THOP1: variants seen among roughly 807,000 people sequenced by gnomAD.
The protein encoded by THOP1 is thimet oligopeptidase.
Under a neutral mutation model 71.8 loss-of-function variants are expected in THOP1, and 49 were observed. That is an observed-to-expected ratio of 0.68 (90% CI 0.54 to 0.87). The LOEUF (loss-of-function observed/expected upper bound fraction) is 0.87, where lower values mean the gene tolerates loss of function less well. Among genes scored for constraint, THOP1 ranks in the 40% least tolerant of loss-of-function variants. THOP1 has a pLI of 0.00. For missense variants in THOP1, 843 were observed against 975.6 expected (o/e 0.86, Z 1.81); for synonymous variants, 426 against 421.5 (o/e 1.01, Z -0.13).
At chr19:2,792,772 G>C (rs1915917306) in intron 2 of THOP1, among the ~76,000 whole-genome samples, 1 of 152,110 alleles carries the variant, frequency 6.6e-6, no homozygotes, top group South Asian at 2.1e-4. Flanking sequence ...TCCTGCCTCA[G>C]CCTTCTAAGT....
At chr19:2,794,654 A>G (rs992202176) in intron 2 of THOP1, 110 bp from the exon 3 acceptor site, 2 of 1,336,708 alleles carry the variant, frequency 1.5e-6, no homozygotes, top group Non-Finnish European at 2.1e-6. Context: ...GGCAGGAGAG[A>G]GTTCACGGGG....
chr19:2,803,718 T>C (rs1916215605), intron 5 of THOP1, among the ~76,000 whole-genome samples: 1 of 152,108 alleles, frequency 6.6e-6, no homozygotes, highest in Admixed American at 6.5e-5. Flanking sequence ...CGGCAGACAA[T>C]TGCCAGGCCC....
intron 1 of THOP1, among the ~76,000 whole-genome samples, chr19:2,787,679 C>T (rs1309976938): frequency 6.6e-6 from 1 of 152,204 alleles, no homozygotes; most frequent in Non-Finnish European, 1.5e-5. Flanking sequence ...CTTTCTTTTT[C>T]CCACTTAGCG....
chr19:2,812,227 G>A (rs1248339713), intron 12 of THOP1: 16 of 1,528,490 alleles, frequency 1.0e-5, no homozygotes, highest in African/African-American at 2.8e-5. Flanking sequence ...CGGCCGTTAC[G>A]CCATGTGAGC....
At chr19:2,800,179 T>TTTAA (rs922537177) in intron 5 of THOP1, among the ~76,000 whole-genome samples, 18 of 152,314 alleles carry the variant, frequency 1.2e-4, no homozygotes, top group African/African-American at 4.3e-4. Context: ...ATTTATTTAA[T>TTTAA]TTAATTAATT....
chr19:2,790,971 A>C lies in THOP1; in HGVS notation c.229+338A>C, dbSNP rs114047021. 8.0e-3 allele frequency among the ~76,000 whole-genome samples: 1,219 copies of C among 152,256 alleles called. 12 individuals are homozygous for C. Among genetic ancestry groups the C allele is most frequent in the African/African-American group, 0.027 (1,136 of 41,542 alleles). On this transcript the variant is annotated intron_variant, in intron 2 of 12. Transcript: ENST00000307741. ...AGATGAGAAAATATGTCTAAACAGC[A>C]CGCCTCTCCAGCCTCTCCCAGAGCC... is the stretch of plus-strand genomic sequence containing the variant.
chr19:2,798,002 A>T (rs781508740), intron 4 of THOP1, among the ~76,000 whole-genome samples: 2 of 152,090 alleles, frequency 1.3e-5, no homozygotes, highest in Non-Finnish European at 2.9e-5. Context: ...AGCGGACAAG[A>T]GCCAGTTATT....
chr19:2,813,148 C>T lies in THOP1; in HGVS notation c.1942C>T (p.Pro648Ser). ...GMDYRSCILR[P>S]GGSEDASAML... is the part of the protein sequence containing the mutation. Reference sequence around the variant, plus strand: ...GGATTACAGAAGCTGCATCCTGAGACCCGGCGGTTCCGAGGATGCCAGCGC... The same window carrying T: ...GGATTACAGAAGCTGCATCCTGAGATCCGGCGGTTCCGAGGATGCCAGCGC... The change falls in exon 13 of 13, where the codon CCC becomes TCC. Residue 648 changes from proline (P) to serine (S), a missense_variant. Coordinates refer to ENST00000307741, the MANE Select transcript of THOP1 (RefSeq NM_003249.5). 2 of 1,611,674 alleles carry T rather than the reference C, an allele frequency of 1.2e-6. No homozygotes were observed. The highest frequency in any genetic ancestry group is 1.1e-5 in the South Asian group (1 of 90,882).
At chr19:2,796,678 C>T (rs1235628191) in intron 4 of THOP1, among the ~76,000 whole-genome samples, 3 of 149,046 alleles carry the variant, frequency 2.0e-5, no homozygotes, top group East Asian at 2.0e-4. Context: ...GTACTGGGTG[C>T]GGGGAGTGCT....
intron 5 of THOP1, among the ~76,000 whole-genome samples, chr19:2,800,375 G>A (rs533743616): frequency 1.4e-4 from 22 of 152,120 alleles, no homozygotes; most frequent in African/African-American, 3.9e-4. Context: ...TAGTAGAGAC[G>A]GTTTCGCCGT....
Position 2,810,726 on chromosome 19 carries a change from G to T in THOP1, c.1729G>T (p.Ala577Ser), listed in dbSNP as rs1316224652. The T allele has an allele frequency of 1.9e-6, 3 of 1,597,278 alleles. No homozygotes were observed. The highest frequency in any genetic ancestry group is 8.5e-7 in the Non-Finnish European group (1 of 1,172,638). ...GGACGCAGACCCCGCCGAGGAGTAT[G>T]CGCGGCTCTGCCAGGAGATCCTCGG... Reference protein sequence around the residue: ...QTDADPAEEYARLCQEILGVP... With the variant: ...QTDADPAEEYSRLCQEILGVP... Residue 577 changes from alanine to serine, a missense_variant, in exon 11 of 13, where the codon GCG becomes TCG. Coordinates refer to ENST00000307741, the MANE Select transcript of THOP1 (RefSeq NM_003249.5).
At chr19:2,796,874 G>C (rs1916028882) in intron 4 of THOP1, among the ~76,000 whole-genome samples, 1 of 152,218 alleles carries the variant, frequency 6.6e-6, no homozygotes, top group African/African-American at 2.4e-5. Context: ...TCCACCCACT[G>C]CCCGGTGTGC....
chr19:2,806,786 G>T (rs1170395888), intron 6 of THOP1, 131 bp from the exon 7 acceptor site: 11 of 1,500,352 alleles, frequency 7.3e-6, no homozygotes, highest in Non-Finnish European at 1.0e-5. Context: ...TAGTAACACA[G>T]GCCGAGAGGG....
At chr19:2,795,901 C>T (rs1183525198) in intron 3 of THOP1, 180 bp from the exon 4 acceptor site, 11 of 531,020 alleles carry the variant, frequency 2.1e-5, no homozygotes, top group South Asian at 4.0e-5. Flanking sequence ...CCAAACAAAG[C>T]GAACGTTTGC....
At chr19:2,788,635 C>T (rs1240566714) in intron 1 of THOP1, among the ~76,000 whole-genome samples, 1 of 152,220 alleles carries the variant, frequency 6.6e-6, no homozygotes, top group African/African-American at 2.4e-5. Context: ...CCTGCCACCA[C>T]ACCCAGCTAA....
chr19:2,805,294 T>A lies in THOP1; in HGVS notation c.750+118T>A. ...CACTTGGATGGCCTCCCAATCTCCC[T>A]GGCCAGGCCCAGTGGCCAGCAGAGG... On this transcript the variant is annotated intron_variant, in intron 6 of 12. Coordinates refer to ENST00000307741, the MANE Select transcript of THOP1 (RefSeq NM_003249.5). The surrounding 1 kb of genome is among the most constrained non-coding windows in gnomAD (Gnocchi z 6.6). 1 of 1,267,260 alleles carries A rather than the reference T, an allele frequency of 7.9e-7. No homozygotes were observed. The highest frequency in any genetic ancestry group is 1.1e-6 in the Non-Finnish European group (1 of 938,966). The allele number at this position is 1,267,260 out of a possible 1,614,324, so 78.5% of individuals were successfully genotyped here. A position where few individuals can be genotyped will look rare whatever the true frequency, so the allele number is the denominator to read the frequency against.
At chr19:2,799,025 G>A (rs2144767422) in intron 4 of THOP1, among the ~76,000 whole-genome samples, 1 of 152,258 alleles carries the variant, frequency 6.6e-6, no homozygotes, top group Non-Finnish European at 1.5e-5. Context: ...ACCAGATAAG[G>A]GGTAAAATGT....
At chr19:2,808,484 G>T in intron 9 of THOP1, 40 bp downstream of exon 9, 1 of 1,541,752 alleles carries the variant, frequency 6.5e-7, no homozygotes, top group Non-Finnish European at 8.8e-7. Flanking sequence ...CAGGGGCAGG[G>T]GCAGGGGCTG....
chr19:2,787,746 G>A (rs1915782330), intron 1 of THOP1, among the ~76,000 whole-genome samples: 1 of 152,224 alleles, frequency 6.6e-6, no homozygotes, highest in South Asian at 2.1e-4. Context: ...ACTGGACGGT[G>A]TCTGGGGACA....
Sources: allele counts gnomAD v4.1 joint callset (sites outside exome capture counted in the v4.1 genomes callset), GRCh38; gene constraint gnomAD v4.1.1; non-coding constraint Gnocchi (gnomAD v3.1); transcripts MANE v1.5; gene names NCBI Gene and HGNC (gene_info 2026-07-23, HGNC 2026-07-21).